The following COL22A1 variants were observed in gnomAD, a reference collection of about 807,000 sequenced individuals.
The protein encoded by COL22A1 is collagen type XXII alpha 1 chain, also known as collagen alpha-1(XXII) chain.
Under a neutral mutation model 248.9 loss-of-function variants are expected in COL22A1, and 221 were observed. The ratio of observed to expected loss-of-function variants is 0.89; its 90% CI spans 0.80 to 0.99. The LOEUF (loss-of-function observed/expected upper bound fraction) is 0.99, where lower values mean the gene tolerates loss of function less well. Among genes scored for constraint, COL22A1 ranks in the 50% least tolerant of loss-of-function variants. The pLI is 0.00. For synonymous variants in COL22A1, 891 were observed against 793.4 expected (o/e 1.12, Z -2.07); for missense variants, 2,240 against 2,179.0 (o/e 1.03, Z -0.56).
At chr8:138,841,087 T>C (rs1483626657) in intron 4 of COL22A1, among the ~76,000 whole-genome samples, 1 of 152,182 alleles carries the variant, frequency 6.6e-6, no homozygotes, top group Admixed American at 6.5e-5. Flanking sequence ...CCTTCTTCCA[T>C]CCATCATTTT....
intron 6 of COL22A1, among the ~76,000 whole-genome samples, chr8:138,823,958 G>A (rs79639151): frequency 1.3e-5 from 2 of 152,282 alleles, no homozygotes; most frequent in East Asian, 3.9e-4. Flanking sequence ...AGTGCAGGGG[G>A]ATCAGCTACG....
chr8:138,755,703 CTTA>C (rs1832941578), intron 19 of COL22A1, 79 bp downstream of exon 19: 2 of 1,460,612 alleles, frequency 1.4e-6, no homozygotes, highest in East Asian at 4.5e-5. Context: ...AGAGCGTTGC[CTTA>C]TTCTTAGAGG....
At chr8:138,847,998 C>T (rs28550986) in intron 3 of COL22A1, among the ~76,000 whole-genome samples, 2,620 of 152,222 alleles carry the variant, frequency 0.017, 71 homozygotes, top group African/African-American at 0.06. Context: ...TGGTGCATTA[C>T]TTCCTTGGTA....
chr8:138,674,394 C>T (rs1206150672), intron 41 of COL22A1, among the ~76,000 whole-genome samples: 1 of 152,206 alleles, frequency 6.6e-6, no homozygotes, highest in Non-Finnish European at 1.5e-5. Context: ...TATCTTTGCA[C>T]ACTCCATACA....
In COL22A1 at chr8:138,663,696, A is replaced by T; in HGVS notation, c.3186+9T>A. Reference sequence around the variant, plus strand: ...AGAAACTCATCCCTTTATTTAAAGCATACTGTACCGGGGATCCTTTGTCTC... The same window carrying T: ...AGAAACTCATCCCTTTATTTAAAGCTTACTGTACCGGGGATCCTTTGTCTC... On this transcript the variant is annotated intron_variant, in intron 42 of 64. Coordinates refer to ENST00000303045, the MANE Select transcript of COL22A1 (RefSeq NM_152888.3). 6.2e-7 allele frequency: 1 copy of T among 1,602,254 alleles called. No homozygotes were observed. Among genetic ancestry groups the T allele is most frequent in the Admixed American group, 1.7e-5 (1 of 60,012 alleles).
At chr8:138,786,019 T>C (rs140502081) in intron 12 of COL22A1, among the ~76,000 whole-genome samples, 51 of 152,332 alleles carry the variant, frequency 3.3e-4, no homozygotes, top group African/African-American at 1.2e-3. Context: ...AGCTTCACAC[T>C]GTCCACCTCC....
chr8:138,621,050 C>T (rs1174075941), intron 52 of COL22A1, among the ~76,000 whole-genome samples: 3 of 152,162 alleles, frequency 2.0e-5, no homozygotes. Flanking sequence ...GCTGGTCTGT[C>T]TATCCATTTG....
At chr8:138,859,457 T>G (rs903298028) in intron 3 of COL22A1, among the ~76,000 whole-genome samples, 6 of 152,302 alleles carry the variant, frequency 3.9e-5, no homozygotes, top group Admixed American at 3.9e-4. Context: ...GGTGGGCTCC[T>G]GGAATGGGCA....
chr8:138,591,400 C>T, intron 64 of COL22A1, 24 bp downstream of exon 64: 1 of 1,555,708 alleles, frequency 6.4e-7, no homozygotes, highest in African/African-American at 1.4e-5. Flanking sequence ...CACCCTACCC[C>T]TGAGACTGCA....
At chr8:138,774,130 G>A (rs1321101115) in intron 16 of COL22A1, among the ~76,000 whole-genome samples, 2 of 152,072 alleles carry the variant, frequency 1.3e-5, no homozygotes, top group Admixed American at 6.5e-5. Context: ...GAAAGCTCTC[G>A]GAAGAGGTAA....
intron 15 of COL22A1, 25 bp from the exon 16 acceptor site, chr8:138,776,035 A>T (rs1253627395): frequency 6.2e-7 from 1 of 1,613,332 alleles, no homozygotes; most frequent in Non-Finnish European, 8.5e-7. Flanking sequence ...AAGAGCAGTG[A>T]CCCAACATCT....
chr8:138,733,981 T>C (rs899117660), intron 23 of COL22A1, among the ~76,000 whole-genome samples: 2 of 152,154 alleles, frequency 1.3e-5, no homozygotes, highest in East Asian at 3.9e-4. Flanking sequence ...AAACCACCTG[T>C]ACAGCTTGGA....
intron 42 of COL22A1, among the ~76,000 whole-genome samples, chr8:138,663,012 TCA>T (rs1238032353): frequency 7.1e-6 from 1 of 140,764 alleles, no homozygotes; most frequent in African/African-American, 2.6e-5. Flanking sequence ...CAGGACTCTG[TCA>T]CTCACACACA....
chr8:138,600,335 G>A (rs192298263), intron 60 of COL22A1, among the ~76,000 whole-genome samples: 129 of 152,310 alleles, frequency 8.5e-4, no homozygotes, highest in African/African-American at 2.8e-3. Flanking sequence ...GATGGTAATC[G>A]TAAATGTGTG....
intron 31 of COL22A1, 23 bp downstream of exon 31, chr8:138,703,283 G>T (rs765925743): frequency 1.2e-6 from 2 of 1,605,718 alleles, no homozygotes; most frequent in East Asian, 4.5e-5. Context: ...AGAGGAGAAA[G>T]AATTAGAAGC....
Position 138,755,215 on chromosome 8 carries a change from T to C in COL22A1, c.1978-5A>G. 6.2e-7 allele frequency: 1 copy of C among 1,613,962 alleles called. No homozygotes were observed. The highest frequency in any genetic ancestry group is 1.7e-5 in the Admixed American group (1 of 60,018). On this transcript the variant is annotated splice_polypyrimidine_tract_variant and splice_region_variant and intron_variant, in intron 20 of 64. Coordinates refer to ENST00000303045, the MANE Select transcript of COL22A1 (RefSeq NM_152888.3). Reference sequence around the variant, plus strand: ...ACCTCTGGGTCCTGGAGCTCCCTGGTAACACAAGCCAAACAGATGTTTAGT... The same window carrying C: ...ACCTCTGGGTCCTGGAGCTCCCTGGCAACACAAGCCAAACAGATGTTTAGT...
chr8:138,840,072 A>T (rs1455709320), intron 4 of COL22A1, among the ~76,000 whole-genome samples: 2 of 152,146 alleles, frequency 1.3e-5, no homozygotes, highest in Non-Finnish European at 2.9e-5. Context: ...TGCCCTAAAA[A>T]TAGCCAGAGT....
intron 1 of COL22A1, among the ~76,000 whole-genome samples, chr8:138,891,685 C>G (rs961983863): frequency 6.6e-6 from 1 of 152,184 alleles, no homozygotes; most frequent in Non-Finnish European, 1.5e-5. Context: ...GGTCCATACT[C>G]AGTCACTCAG....
intron 3 of COL22A1, among the ~76,000 whole-genome samples, chr8:138,877,463 C>T (rs558086188): frequency 6.6e-6 from 1 of 152,266 alleles, no homozygotes; most frequent in African/African-American, 2.4e-5. Context: ...GGTTAGAACC[C>T]ATCCCTCTTT....
Sources: gnomAD v4.1 joint callset for allele counts (sites outside exome capture counted in the v4.1 genomes callset) on GRCh38, gnomAD v4.1.1 for gene constraint, MANE v1.5 for transcripts, NCBI Gene and HGNC (gene_info 2026-07-23, HGNC 2026-07-21) for gene names.